Variants in LY75 observed in about 807,000 individuals in gnomAD.
LY75 encodes C-type lectin domain family 13 member B.
Under a neutral mutation model 231.7 loss-of-function variants are expected in LY75, and 185 were observed. The observed-to-expected ratio is 0.80, with a 90% CI of 0.71 to 0.90. The LOEUF (loss-of-function observed/expected upper bound fraction) is 0.90, where lower values mean the gene tolerates loss of function less well. Ranked by LOEUF, LY75 falls within the 40% of genes least tolerant of loss-of-function variation. The probability of loss-of-function intolerance (pLI) is 0.00; values close to 1 mark genes in which losing one functional copy is unlikely to be tolerated. For missense variants in LY75, 1,947 were observed against 2,050.2 expected (o/e 0.95, Z 0.97); for synonymous variants, 668 against 689.0 (o/e 0.97, Z 0.48).
chr2:159,810,431 A>G (rs1197471647), intron 32 of LY75, 95 bp downstream of exon 32: 2 of 1,511,796 alleles, frequency 1.3e-6, no homozygotes, highest in Non-Finnish European at 1.8e-6. Context: ...CTTTAAAAAT[A>G]TTTTCAAAAA....
In LY75 at chr2:159,831,673, T is replaced by C. The variant is rs2125841207; in HGVS notation, c.3955A>G (p.Arg1319Gly). 6.2e-7 allele frequency: 1 copy of C among 1,608,176 alleles called. No homozygotes were observed. The highest frequency in any genetic ancestry group is 8.5e-7 in the Non-Finnish European group (1 of 1,178,486). The change falls in exon 28 of 35, where the codon AGA becomes GGA. Residue 1319 changes from arginine (R) to glycine (G), a missense_variant. Transcript: ENST00000263636. ...ASWVMLGITYRNKSLMWFDKT... is the reference protein window; with the variant it reads ...ASWVMLGITYGNKSLMWFDKT... ...AGTTGGCAGATTTACAACTTACTTCTATAAGTTATTCCTAACATGACCCAT... is the reference window on the plus strand; with the variant it reads ...AGTTGGCAGATTTACAACTTACTTCCATAAGTTATTCCTAACATGACCCAT...
chr2:159,842,695 C>T (rs1487651924), intron 23 of LY75, among the ~76,000 whole-genome samples: 9 of 152,102 alleles, frequency 5.9e-5, no homozygotes, highest in African/African-American at 2.2e-4. Flanking sequence ...ATTAATTCAA[C>T]TTATTAGATT....
At chr2:159,848,132 A>G (rs1684270684) in intron 23 of LY75, among the ~76,000 whole-genome samples, 1 of 137,738 alleles carries the variant, frequency 7.3e-6, no homozygotes, top group African/African-American at 3.0e-5. Flanking sequence ...CGGTATATAT[A>G]TGGTGTGTAT....
At chr2:159,820,395 T>C (rs1683250682) in intron 28 of LY75, among the ~76,000 whole-genome samples, 1 of 152,178 alleles carries the variant, frequency 6.6e-6, no homozygotes, top group Non-Finnish European at 1.5e-5. Context: ...GCAACCTGAA[T>C]GGAAATGGAG....
chr2:159,831,441 C>T (rs368778862), intron 28 of LY75, among the ~76,000 whole-genome samples: 38 of 152,210 alleles, frequency 2.5e-4, no homozygotes, highest in South Asian at 1.7e-3. Context: ...TTTAGCAGTG[C>T]GGGAACAAAC....
At chr2:159,866,553 T>C (rs947988047) in intron 13 of LY75, among the ~76,000 whole-genome samples, 1 of 152,150 alleles carries the variant, frequency 6.6e-6, no homozygotes, top group African/African-American at 2.4e-5. Context: ...CAAGAGGAAT[T>C]TGCAGTTTAT....
At chr2:159,816,654 T>C in intron 30 of LY75, 152 bp downstream of exon 30, 2 of 1,204,060 alleles carry the variant, frequency 1.7e-6, no homozygotes, top group East Asian at 2.5e-5. Flanking sequence ...CTATTTGTTC[T>C]GTGTTGTAAA....
At chr2:159,853,729 T>C in intron 18 of LY75, 32 bp from the exon 19 acceptor site, 1 of 1,612,552 alleles carries the variant, frequency 6.2e-7, no homozygotes, top group Non-Finnish European at 8.5e-7. Context: ...CATCCTTATA[T>C]GTGCTGAGCT....
At chr2:159,866,965 A>T (rs1684874878) in intron 13 of LY75, among the ~76,000 whole-genome samples, 1 of 152,040 alleles carries the variant, frequency 6.6e-6, no homozygotes, top group Admixed American at 6.6e-5. Flanking sequence ...GCCCTTACCC[A>T]GTCTTCTCTC....
intron 33 of LY75, chr2:159,808,163 G>A: frequency 1.0e-6 from 1 of 978,902 alleles, no homozygotes; most frequent in Non-Finnish European, 1.2e-6. Context: ...CTGTGGAGAA[G>A]AAAATGTCCT....
At chr2:159,861,133 G>A (rs1263380300) in intron 14 of LY75, among the ~76,000 whole-genome samples, 5 of 152,104 alleles carry the variant, frequency 3.3e-5, no homozygotes, top group Admixed American at 1.3e-4. Flanking sequence ...TATTAAGTTC[G>A]CCGCTGGAGT....
At position 159,810,629 on chromosome 2, in the gene LY75, T is replaced by C. The variant is rs761707224; in HGVS notation, c.4596A>G (p.Ala1532=). 2 of 1,614,136 alleles carry C rather than the reference T, an allele frequency of 1.2e-6. No individual in the cohort carries two copies. Among genetic ancestry groups the C allele is most frequent in the East Asian group, 2.2e-5 (1 of 44,874 alleles). ...GGATCCACCGTGACCCATTCTCTTT[T>C]GCTGCTGGACATCTTGATGAATATG... The part of the protein sequence containing the change: ...RLTYSSRCPA[A]KENGSRWIQY... The change falls in exon 32 of 35, where the codon GCA becomes GCG. Residue 1532 remains alanine, a synonymous_variant. Transcript: ENST00000263636.
Position 159,842,246 on chromosome 2 carries a change from T to C in LY75, c.3279A>G (p.Ser1093=). Residue 1093 remains serine (S), a splice_region_variant and synonymous_variant, in exon 24 of 35, where the codon TCA becomes TCG. Coordinates refer to ENST00000263636, the MANE Select transcript of LY75 (RefSeq NM_002349.4). ...AGTTATCTAGATAATAATTGTTACC[T>C]GAATATTTCTGACAGAGAGACACAA... ...RHFVSLCQKY[S]EVKSRQTLQN... 1.2e-6 allele frequency: 2 copies of C among 1,609,584 alleles called. No homozygotes were observed. Among genetic ancestry groups the C allele is most frequent in the South Asian group, 1.1e-5 (1 of 91,006 alleles).
At chr2:159,808,314 C>A in intron 33 of LY75, 135 bp downstream of exon 33, 1 of 1,478,976 alleles carries the variant, frequency 6.8e-7, no homozygotes, top group Non-Finnish European at 9.1e-7. Context: ...TCCAGAACAG[C>A]CAGCGACCTA....
intron 23 of LY75, among the ~76,000 whole-genome samples, chr2:159,845,438 T>C (rs987949413): frequency 9.2e-5 from 14 of 151,858 alleles, no homozygotes; most frequent in Non-Finnish European, 1.6e-4. Context: ...ATTTCTCATA[T>C]ATATAATATG....
At chr2:159,835,786 C>T in intron 25 of LY75, 141 bp from the exon 26 acceptor site, 1 of 1,108,792 alleles carries the variant, frequency 9.0e-7, no homozygotes, top group Non-Finnish European at 1.2e-6. Flanking sequence ...ACATAACAAG[C>T]ATTGTTCTAA....
intron 11 of LY75, among the ~76,000 whole-genome samples, chr2:159,876,002 T>G (rs1192595800): frequency 6.6e-6 from 1 of 152,118 alleles, no homozygotes; most frequent in Non-Finnish European, 1.5e-5. Flanking sequence ...TACTGCTGCT[T>G]AGGATAGTGG....
At position 159,890,393 on chromosome 2, in the gene LY75, C is replaced by T. The variant is rs369510523; in HGVS notation, c.638-16G>A. 23 of 1,611,542 alleles carry T rather than the reference C, an allele frequency of 1.4e-5. No individual in the cohort carries two copies. The highest frequency in any genetic ancestry group is 1.7e-4 in the Middle Eastern group (1 of 6,040). ...CAACCGTTTTCTGTTGATAAAGACA[C>T]GTTAGTGATCATAAAGTAAGGACAT... On this transcript the variant is annotated splice_polypyrimidine_tract_variant and intron_variant, in intron 3 of 34. Transcript: ENST00000263636.
rs1684680656 is a variant in LY75, at chr2:159,860,853, C to A, written c.2236G>T (p.Asp746Tyr). ...GCAGCACAGTCTCTGATGTCATAAT[C>A]CTGCTGAAACTCATTTGGCATGATA... is the stretch of plus-strand genomic sequence containing the variant. ...TIIMPNEFQQ[D>Y]YDIRDCAAVK... is the part of the protein sequence containing the mutation. Residue 746 changes from aspartate to tyrosine, a missense_variant, in exon 15 of 35, where the codon GAT becomes TAT. Coordinates refer to ENST00000263636, the MANE Select transcript of LY75 (RefSeq NM_002349.4). The A allele has an allele frequency of 6.2e-7, 1 of 1,613,864 alleles. No homozygotes were observed. Among genetic ancestry groups the A allele is most frequent in the South Asian group, 1.1e-5 (1 of 91,088 alleles).
Sources: gnomAD v4.1 joint callset for allele counts (sites outside exome capture counted in the v4.1 genomes callset) on GRCh38, gnomAD v4.1.1 for gene constraint, MANE v1.5 for transcripts, NCBI Gene and HGNC (gene_info 2026-07-23, HGNC 2026-07-21) for gene names.